The following FBXL4 variants were observed in gnomAD, a reference collection of about 807,000 sequenced individuals.
The protein encoded by FBXL4 is F-box and leucine rich repeat protein 4.
FBXL4 carries 40 observed loss-of-function variants against 58.9 expected under a neutral mutation model. The ratio of observed to expected loss-of-function variants is 0.68; its 90% CI spans 0.53 to 0.88. The LOEUF (loss-of-function observed/expected upper bound fraction) is 0.88, where lower values mean the gene tolerates loss of function less well. Among genes scored for constraint, FBXL4 ranks in the 40% least tolerant of loss-of-function variants. The pLI, the probability that FBXL4 is intolerant of heterozygous loss-of-function variation, is 0.00. For missense variants in FBXL4, 676 were observed against 734.4 expected (o/e 0.92, Z 0.92); for synonymous variants, 263 against 265.5 (o/e 0.99, Z 0.09).
chr6:98,917,578 A>G lies in FBXL4; in HGVS notation c.654T>C (p.Thr218=), dbSNP rs1271495426. 41 of 1,613,926 alleles carry G rather than the reference A, an allele frequency of 2.5e-5. No individual in the cohort carries two copies. The highest frequency in any genetic ancestry group is 3.2e-5 in the Non-Finnish European group (38 of 1,179,922). ...CATGTAGCACAACTGCATCTAATTC[A>G]GTGTAATATTCCAGAAGAGAACTAT... ...EVNSSLLEYY[T]ELDAVVLHGV... is the part of the protein sequence containing the mutation. Residue 218 remains threonine (T), a synonymous_variant, in exon 5 of 10, where the codon ACT becomes ACC. Coordinates refer to ENST00000369244, the MANE Select transcript of FBXL4 (RefSeq NM_001278716.2).
intron 5 of FBXL4, among the ~76,000 whole-genome samples, chr6:98,911,147 G>C (rs557857369): frequency 6.6e-6 from 1 of 152,330 alleles, no homozygotes; most frequent in East Asian, 1.9e-4. Context: ...CCATTGCCCA[G>C]GCTCACTTAG....
chr6:98,916,906 TATAGA>T (rs1435558971), intron 5 of FBXL4, among the ~76,000 whole-genome samples: 1 of 148,088 alleles, frequency 6.8e-6, no homozygotes, highest in Non-Finnish European at 1.5e-5. Context: ...GTTAGGAGAA[TATAGA>T]ATAGAGTTAG....
chr6:98,944,076 T>A (rs1773532678), intron 1 of FBXL4, among the ~76,000 whole-genome samples: 1 of 152,144 alleles, frequency 6.6e-6, no homozygotes, highest in African/African-American at 2.4e-5. Context: ...TTTAGGAAAA[T>A]GTCCAGCAAT....
chr6:98,874,321 G>C lies in FBXL4; in HGVS notation c.1823C>G (p.Ala608Gly). ...TTTTATGAACACTTTTGGAAAGCTT[G>C]CATTCAGTTCTAGCACAGCTCTGTT... Reference protein sequence around the residue: ...IDNRAVLELNASFPKVFIKKS... With the variant: ...IDNRAVLELNGSFPKVFIKKS... The change falls in exon 10 of 10, where the codon GCA (alanine) becomes GGA (glycine). Residue 608 changes from alanine (A) to glycine (G), a missense_variant. Physicochemically the swap from Ala to Gly is moderately conservative, Grantham distance 60. Transcript: ENST00000369244. The C allele has an allele frequency of 1.2e-6, 2 of 1,608,074 alleles. No individual in the cohort carries two copies. The highest frequency in any genetic ancestry group is 8.5e-7 in the Non-Finnish European group (1 of 1,178,422).
Position 98,927,070 on chromosome 6 carries a change from T to A in FBXL4, c.-72-10A>T. On this transcript the variant is annotated splice_polypyrimidine_tract_variant and intron_variant, in intron 3 of 9. Coordinates refer to ENST00000369244, the MANE Select transcript of FBXL4 (RefSeq NM_001278716.2). Reference sequence around the variant, plus strand: ...CTCTTTGAAGGATGTTCTAAAAAAATGAATGGCTTGGTGAAGTAAAATAAT... The same window carrying A: ...CTCTTTGAAGGATGTTCTAAAAAAAAGAATGGCTTGGTGAAGTAAAATAAT... 1.5e-6 allele frequency: 2 copies of A among 1,378,506 alleles called. No homozygotes were observed. The allele number at this position is 1,378,506 out of a possible 1,614,324, so 85.4% of individuals were successfully genotyped here. A position where few individuals can be genotyped will look rare whatever the true frequency, so the allele number is the denominator to read the frequency against.
At chr6:98,909,274 A>G (rs1771938031) in intron 5 of FBXL4, among the ~76,000 whole-genome samples, 3 of 152,182 alleles carry the variant, frequency 2.0e-5, no homozygotes, top group Admixed American at 2.0e-4. Context: ...TCTATGACGC[A>G]GCAGAATAGA....
At chr6:98,918,033 A>G (rs1772437138) in intron 4 of FBXL4, among the ~76,000 whole-genome samples, 2 of 152,200 alleles carry the variant, frequency 1.3e-5, no homozygotes, top group Admixed American at 6.5e-5. Flanking sequence ...AACCCAAAGA[A>G]TAAAACACAC....
chr6:98,876,498 A>T (rs533677727), intron 8 of FBXL4, among the ~76,000 whole-genome samples: 1 of 152,346 alleles, frequency 6.6e-6, no homozygotes, highest in East Asian at 1.9e-4. Context: ...AATTACAATG[A>T]TTATTTCTTT....
At chr6:98,893,527 A>T (rs1336436593) in intron 7 of FBXL4, among the ~76,000 whole-genome samples, 1 of 152,166 alleles carries the variant, frequency 6.6e-6, no homozygotes, top group African/African-American at 2.4e-5. Flanking sequence ...TTACCTCTTT[A>T]AAAACCCTGT....
In FBXL4 at chr6:98,935,774, C is replaced by T. The variant is rs9402318; in HGVS notation, c.-308-895G>A. On this transcript the variant is annotated intron_variant, in intron 1 of 9. Transcript: ENST00000369244. ...ACTGCAGTCCGCAGTCTGGCCTGGGCGACAGAGCGAGACTCCGTCTCAAAA... is the reference window on the plus strand; with the variant it reads ...ACTGCAGTCCGCAGTCTGGCCTGGGTGACAGAGCGAGACTCCGTCTCAAAA... Among the ~76,000 whole-genome samples, 100 of 127,698 alleles carry T rather than the reference C, an allele frequency of 7.8e-4. 1 individual carries two copies. In the East Asian group the frequency reaches 0.02, roughly 26 times the overall value. The allele number at this position is 127,698 out of a possible 152,430, so 83.8% of individuals were successfully genotyped here. A position where few individuals can be genotyped will look rare whatever the true frequency, so the allele number is the denominator to read the frequency against.
intron 7 of FBXL4, among the ~76,000 whole-genome samples, chr6:98,885,444 T>C (rs1771004965): frequency 6.6e-6 from 1 of 152,192 alleles, no homozygotes; most frequent in African/African-American, 2.4e-5. Flanking sequence ...GAGATTAACA[T>C]TTAAATCAGT....
At chr6:98,881,684 A>C (rs991062573) in intron 7 of FBXL4, among the ~76,000 whole-genome samples, 1 of 152,110 alleles carries the variant, frequency 6.6e-6, no homozygotes, top group Non-Finnish European at 1.5e-5. Flanking sequence ...TAGTTACAAT[A>C]GGCCACAGAG....
intron 7 of FBXL4, among the ~76,000 whole-genome samples, chr6:98,891,925 C>G (rs1462046383): frequency 6.6e-6 from 1 of 151,922 alleles, no homozygotes; most frequent in Non-Finnish European, 1.5e-5. Context: ...AAGGAGTCTG[C>G]CCCCATTAAA....
At chr6:98,911,656 C>A (rs542641654) in intron 5 of FBXL4, among the ~76,000 whole-genome samples, 73 of 152,132 alleles carry the variant, frequency 4.8e-4, no homozygotes, top group African/African-American at 1.7e-3. Context: ...AACAGAAAGG[C>A]CATCCACCAA....
intron 5 of FBXL4, among the ~76,000 whole-genome samples, chr6:98,908,572 T>C (rs1771905514): frequency 6.6e-6 from 1 of 152,180 alleles, no homozygotes; most frequent in South Asian, 2.1e-4. Context: ...AAGTGGAGAA[T>C]TGCCATTCAC....
At chr6:98,930,259 T>C (rs1772963349) in intron 2 of FBXL4, among the ~76,000 whole-genome samples, 1 of 152,114 alleles carries the variant, frequency 6.6e-6, no homozygotes, top group Admixed American at 6.5e-5. Flanking sequence ...ACAAAGCATA[T>C]ATTAAAATAA....
intron 6 of FBXL4, 122 bp downstream of exon 6, chr6:98,905,304 T>G: frequency 3.4e-6 from 4 of 1,179,010 alleles, no homozygotes; most frequent in Non-Finnish European, 4.8e-6. Flanking sequence ...CAAAATATAT[T>G]TCCTTTTTAT....
At position 98,894,346 on chromosome 6, in the gene FBXL4, G is replaced by A. The variant is rs532061925; in HGVS notation, c.1317+4922C>T. On this transcript the variant is annotated intron_variant, in intron 7 of 9. Coordinates refer to ENST00000369244, the MANE Select transcript of FBXL4 (RefSeq NM_001278716.2). ...TAATACCTAATTATTTCCATGCCAC[G>A]GATGGTAGAAGAAACTAAGCACAAC... is the stretch of plus-strand genomic sequence containing the variant. Among the ~76,000 whole-genome samples, 13 of 152,134 alleles carry A rather than the reference G, an allele frequency of 8.5e-5. No individual in the cohort carries two copies. The East Asian group carries it at 1.7e-3, about 20-fold the overall frequency.
At chr6:98,895,563 T>C (rs1771381359) in intron 7 of FBXL4, among the ~76,000 whole-genome samples, 1 of 152,214 alleles carries the variant, frequency 6.6e-6, no homozygotes. Context: ...CCACAAGACC[T>C]GAGTTCAAAT....
Sources: gnomAD v4.1 joint callset for allele counts (sites outside exome capture counted in the v4.1 genomes callset) on GRCh38, gnomAD v4.1.1 for gene constraint, MANE v1.5 for transcripts, NCBI Gene and HGNC (gene_info 2026-07-23, HGNC 2026-07-21) for gene names.